NEB: variants seen among roughly 807,000 people sequenced by gnomAD.
NEB encodes nebulin.
NEB carries 512 observed loss-of-function variants against 952.2 expected under a neutral mutation model. That is an observed-to-expected ratio of 0.54 (90% CI 0.50 to 0.58). The LOEUF (loss-of-function observed/expected upper bound fraction) is 0.58. Among genes scored for constraint, NEB ranks in the 20% least tolerant of loss-of-function variants. NEB has a pLI of 0.00. For synonymous variants in NEB, 2,900 were observed against 3,149.8 expected (o/e 0.92, Z 2.66); for missense variants, 8,428 against 9,231.1 (o/e 0.91, Z 3.56).
intron 138 of NEB, 109 bp downstream of exon 138, chr2:151,540,235 T>G (rs2093859281): frequency 1.7e-6 from 1 of 597,474 alleles, no homozygotes; most frequent in Admixed American, 3.8e-5. Flanking sequence ...GTTTTTTTCC[T>G]AGGCCATGGT....
chr2:151,492,074 C>T, intron 178 of NEB, 24 bp downstream of exon 178: 3 of 1,611,378 alleles, frequency 1.9e-6, no homozygotes, highest in South Asian at 1.1e-5. Flanking sequence ...AGTTAATCCC[C>T]TCCCCCAACC....
rs762390355 is a variant in NEB, at chr2:151,491,709, T to C, written c.25124A>G (p.Gln8375Arg). The change falls in exon 179 of 182, where the codon CAG becomes CGG. Residue 8375 changes from glutamine to arginine, a missense_variant. This residue lies in a region of NEB where 3,374 missense variants were observed against 3,651.5 expected (regional missense o/e 0.92). Coordinates refer to ENST00000397345, the MANE Select transcript of NEB (RefSeq NM_001164508.2). ...ATTAATCATGTGTAAGCTTCGGGAC[T>C]GGATGTTGTCTTCTGCTGGATCATA... ...FDYDPAEDNIQSRSLHMINVQ... is the reference protein window; with the variant it reads ...FDYDPAEDNIRSRSLHMINVQ... 1 of 1,597,766 alleles carries C rather than the reference T, an allele frequency of 6.3e-7. No individual in the cohort carries two copies. Among genetic ancestry groups the C allele is most frequent in the East Asian group, 2.3e-5 (1 of 44,282 alleles).
At chr2:151,560,169 C>G (rs1055845747) in intron 124 of NEB, among the ~76,000 whole-genome samples, 22 of 152,234 alleles carry the variant, frequency 1.4e-4, no homozygotes, top group Middle Eastern at 3.4e-3. Flanking sequence ...TATTTCATTG[C>G]TATAAAATAA....
At chr2:151,495,837 A>T (rs1452754406) in intron 173 of NEB, among the ~76,000 whole-genome samples, 1 of 152,208 alleles carries the variant, frequency 6.6e-6, no homozygotes. Context: ...ATTTTTCCCA[A>T]GGTCTCTTTG....
chr2:151,567,945 G>T, intron 113 of NEB, 126 bp downstream of exon 113: 1 of 680,626 alleles, frequency 1.5e-6, no homozygotes, highest in Non-Finnish European at 2.5e-6. Flanking sequence ...CCATCACCAA[G>T]CCTGGCCAGG....
At chr2:151,571,771 T>C (rs888472416) in intron 107 of NEB, among the ~76,000 whole-genome samples, 2 of 152,230 alleles carry the variant, frequency 1.3e-5, no homozygotes, top group South Asian at 2.1e-4. Context: ...TCGGAAATAA[T>C]AGTAATTTAA....
At position 151,499,383 on chromosome 2, in the gene NEB, T is replaced by C. The variant is rs760518682; in HGVS notation, c.24029A>G (p.Tyr8010Cys). 18 of 1,530,014 alleles carry C rather than the reference T, an allele frequency of 1.2e-5. No homozygotes were observed. In the South Asian group the frequency reaches 1.7e-4, roughly 14 times the overall value. 94.8% of individuals were successfully genotyped at this position (1,530,014 alleles called of 1,614,324 possible). The change falls in exon 169 of 182, where the codon TAT (tyrosine) becomes TGT (cysteine). Residue 8010 changes from tyrosine (Y) to cysteine (C), a missense_variant. Coordinates refer to ENST00000397345, the MANE Select transcript of NEB (RefSeq NM_001164508.2). ...LNQENFSSVL[Y>C]KENVGKGIPI... Reference sequence around the variant, plus strand: ...AATCCCTTTTCCAACGTTTTCTTTATACAACACCTGTATGACACAAGAAAG... The same window carrying C: ...AATCCCTTTTCCAACGTTTTCTTTACACAACACCTGTATGACACAAGAAAG...
At chr2:151,697,671 T>C (rs925369397) in intron 13 of NEB, 23 bp from the exon 14 acceptor site, 1 of 1,491,146 alleles carries the variant, frequency 6.7e-7, no homozygotes. Flanking sequence ...AAAAATTCAG[T>C]TAAAGTAGAT....
chr2:151,670,133 C>T (rs2099267872), intron 38 of NEB, among the ~76,000 whole-genome samples: 1 of 152,142 alleles, frequency 6.6e-6, no homozygotes, highest in South Asian at 2.1e-4. Flanking sequence ...TGACATCTCG[C>T]TCAGTACAAA....
rs374677022 is a variant in NEB, at chr2:151,664,533, C to G, written c.5419G>C (p.Ala1807Pro). Residue 1807 changes from alanine (A) to proline (P), a missense_variant, in exon 44 of 182, where the codon GCT becomes CCT. Ala to Pro is a conservative substitution (Grantham distance 27). Transcript: ENST00000397345. ...DLRPDAIAIK[A>P]ARASRDIASD... is the part of the protein sequence containing the mutation. ...GCAATGTCTCTAGAGGCTCTTGCAG[C>G]CTTTATTGCAATGGCATCAGGCCTC... The G allele has an allele frequency of 9.4e-6, 15 of 1,604,146 alleles. No homozygotes were observed. The highest frequency in any genetic ancestry group is 8.9e-5 in the East Asian group (4 of 44,718).
chr2:151,665,240 G>A (rs1377913286), intron 42 of NEB, 93 bp downstream of exon 42: 23 of 1,214,862 alleles, frequency 1.9e-5, no homozygotes, highest in Non-Finnish European at 2.7e-5. Flanking sequence ...CGATCAGAAA[G>A]AAACACTGTA....
Position 151,631,295 on chromosome 2 carries a change from T to C in NEB, c.9466A>G (p.Ile3156Val), listed in dbSNP as rs749280613. 6.2e-7 allele frequency: 1 copy of C among 1,613,768 alleles called. No homozygotes were observed. ...QWLRGIGWVP[I>V]GSMDVVKCKR... ...CACTTGACCACATCCATAGACCCAA[T>C]GGGGACCCAGCCAATGCCTCTCAGC... Residue 3156 changes from isoleucine to valine, a missense_variant, in exon 66 of 182, where the codon ATT (isoleucine) becomes GTT (valine). Around this residue, in one of 11 missense-constraint regions of NEB, gnomAD observed 1,772 missense variants for 1,960.3 expected, o/e 0.90. Coordinates refer to ENST00000397345, the MANE Select transcript of NEB (RefSeq NM_001164508.2).
intron 120 of NEB, 135 bp downstream of exon 120, chr2:151,562,476 A>C: frequency 1.1e-6 from 1 of 915,308 alleles, no homozygotes; most frequent in Non-Finnish European, 1.6e-6. Context: ...AAAGTGGCTC[A>C]TGCCACTTTG....
chr2:151,490,656 C>T, intron 179 of NEB, 138 bp from the exon 180 acceptor site: 2 of 1,039,654 alleles, frequency 1.9e-6, no homozygotes, highest in Non-Finnish European at 2.8e-6. Flanking sequence ...CAAACCCTCA[C>T]AGTTATTCTG....
In NEB at chr2:151,548,743, G is replaced by A. The variant is rs2095021658; in HGVS notation, c.20050-328C>T. The stretch of plus-strand genomic sequence containing the variant: ...ATTAGAAAATACAAAGAAGAAACAA[G>A]AGAATGTATTTAAGACTGACAAATA... On this transcript the variant is annotated intron_variant, in intron 130 of 181. Transcript: ENST00000397345. Among the ~76,000 whole-genome samples, 3 of 152,142 alleles carry A rather than the reference G, an allele frequency of 2.0e-5. No homozygotes were observed. In the South Asian group the frequency reaches 6.2e-4, roughly 31 times the overall value.
rs369174368 is a variant in NEB at position 151,491,703 on chromosome 2, C to T, written c.25130G>A (p.Arg8377Gln). 10 of 1,595,884 alleles carry T rather than the reference C, an allele frequency of 6.3e-6. No individual in the cohort carries two copies. The African/African-American group carries it at 9.4e-5, about 15-fold the overall frequency. ...YDPAEDNIQSRSLHMINVQAQ... is the reference protein window; with the variant it reads ...YDPAEDNIQSQSLHMINVQAQ... Reference sequence around the variant, plus strand: ...CACACCATTAATCATGTGTAAGCTTCGGGACTGGATGTTGTCTTCTGCTGG... The same window carrying T: ...CACACCATTAATCATGTGTAAGCTTTGGGACTGGATGTTGTCTTCTGCTGG... Residue 8377 changes from arginine to glutamine, a missense_variant, in exon 179 of 182, where the codon CGA becomes CAA. Arg to Gln is a conservative substitution (Grantham distance 43). Transcript: ENST00000397345.
intron 28 of NEB, among the ~76,000 whole-genome samples, chr2:151,683,619 A>T (rs1048721203): frequency 6.6e-6 from 1 of 152,224 alleles, no homozygotes; most frequent in Non-Finnish European, 1.5e-5. Flanking sequence ...AGTGGTAGGA[A>T]TGTAAAATTT....
At chr2:151,663,493 C>A in intron 45 of NEB, 55 bp downstream of exon 45, 1 of 1,503,472 alleles carries the variant, frequency 6.7e-7, no homozygotes, top group Non-Finnish European at 9.0e-7. Context: ...CTTATGGTCA[C>A]TCATGGTTGC....
At chr2:151,657,618 G>T (rs1387333277) in intron 48 of NEB, among the ~76,000 whole-genome samples, 1 of 152,162 alleles carries the variant, frequency 6.6e-6, no homozygotes, top group East Asian at 1.9e-4. Context: ...TTGCATACAT[G>T]AGACATCCTG....
Sources: gnomAD v4.1 joint callset for allele counts (sites outside exome capture counted in the v4.1 genomes callset) on GRCh38, gnomAD v4.1.1 for gene constraint, gnomAD v4.1.1 regional missense constraint, MANE v1.5 for transcripts, NCBI Gene and HGNC (gene_info 2026-07-23, HGNC 2026-07-21) for gene names.